Variants in ZEB1 observed in about 807,000 individuals in gnomAD.
The protein encoded by ZEB1 is zinc finger E-box binding homeobox 1.
Under a neutral mutation model 84.9 loss-of-function variants are expected in ZEB1, and 21 were observed. The observed-to-expected ratio is 0.25, with a 90% CI of 0.18 to 0.36. The LOEUF is 0.36. ZEB1 is among the 10% of genes least tolerant of loss of function. The pLI is 1.00. For synonymous variants in ZEB1, 420 were observed against 471.1 expected, an observed-to-expected ratio of 0.89 and a Z score of 1.41; for missense variants, 1,104 against 1,330.2, an observed-to-expected ratio of 0.83 and a Z score of 2.65.
At chr10:31,519,801 A>G (rs1429927947) in intron 6 of ZEB1, among the ~76,000 whole-genome samples, 1 of 152,210 alleles carries the variant, frequency 6.6e-6, no homozygotes, top group African/African-American at 2.4e-5. Flanking sequence ...GATAAGAAAA[A>G]ACATACTTGA....
intron 1 of ZEB1, chr10:31,320,100 C>G (rs1266568809): frequency 6.6e-6 from 1 of 151,624 alleles, no homozygotes; most frequent in Non-Finnish European, 1.5e-5. Flanking sequence ...TGGCGCCTCC[C>G]GCTGCCCGGC....
intron 4 of ZEB1, among the ~76,000 whole-genome samples, chr10:31,506,629 T>C (rs945982071): frequency 6.6e-6 from 1 of 152,152 alleles, no homozygotes; most frequent in Non-Finnish European, 1.5e-5. Context: ...TTTCTGTCCC[T>C]TTACTTTCAG....
intron 1 of ZEB1, among the ~76,000 whole-genome samples, chr10:31,446,351 T>G (rs996209090): frequency 1.4e-4 from 21 of 152,162 alleles, no homozygotes; most frequent in African/African-American, 4.8e-4. Context: ...TGTTGATCCT[T>G]TCAAAAAACC....
chr10:31,464,074 T>TA (rs942010055), intron 2 of ZEB1, among the ~76,000 whole-genome samples: 3 of 151,994 alleles, frequency 2.0e-5, no homozygotes, highest in Admixed American at 6.6e-5. Context: ...GAACTAAAAA[T>TA]AAAAAATTGA....
At chr10:31,507,851 C>T (rs934408807) in intron 4 of ZEB1, among the ~76,000 whole-genome samples, 2 of 151,874 alleles carry the variant, frequency 1.3e-5, no homozygotes, top group African/African-American at 2.4e-5. Context: ...GAATCTGTTG[C>T]TGGATAATTA....
intron 1 of ZEB1, among the ~76,000 whole-genome samples, chr10:31,417,495 A>G (rs773498540): frequency 1.8e-4 from 27 of 152,108 alleles, no homozygotes; most frequent in Non-Finnish European, 3.2e-4. Flanking sequence ...TACTGTCTTA[A>G]CAACACTAAG....
At chr10:31,516,645 G>C (rs2071219989) in intron 6 of ZEB1, among the ~76,000 whole-genome samples, 1 of 146,892 alleles carries the variant, frequency 6.8e-6, no homozygotes, top group African/African-American at 2.5e-5. Flanking sequence ...TTATTCCTTG[G>C]AACAACATAA....
intron 1 of ZEB1, among the ~76,000 whole-genome samples, chr10:31,365,847 C>T (rs1266393641): frequency 2.0e-5 from 3 of 152,152 alleles, no homozygotes; most frequent in Non-Finnish European, 4.4e-5. Flanking sequence ...TCAGCTATAT[C>T]GAAATACATT....
intron 1 of ZEB1, among the ~76,000 whole-genome samples, chr10:31,359,603 T>A (rs1477736975): frequency 6.6e-6 from 1 of 152,178 alleles, no homozygotes; most frequent in African/African-American, 2.4e-5. Flanking sequence ...TTGTAATGCT[T>A]TTAATTATGT....
chr10:31,431,585 A>G (rs1359122295), intron 1 of ZEB1, among the ~76,000 whole-genome samples: 1 of 152,206 alleles, frequency 6.6e-6, no homozygotes, highest in Admixed American at 6.5e-5. Flanking sequence ...TTAGTGGGAT[A>G]TAAGGGTTAT....
rs550829380 is a variant in ZEB1, at chr10:31,389,112, G to A, written c.58+69820G>A. ...TTGTAGGATGTATAAATAAAATGGG[G>A]ACCTATGAGATCTATGAGATCTTGC... On this transcript the variant is annotated intron_variant, in intron 1 of 8. Coordinates refer to ENST00000424869, the MANE Select transcript of ZEB1 (RefSeq NM_001174096.2). Among the ~76,000 whole-genome samples, 26 of 152,106 alleles carry A rather than the reference G, an allele frequency of 1.7e-4. No individual in the cohort carries two copies. The East Asian group carries it at 4.6e-3, about 27-fold the overall frequency.
At chr10:31,356,170 TTATAAA>T (rs2042087464) in intron 1 of ZEB1, among the ~76,000 whole-genome samples, 1 of 152,130 alleles carries the variant, frequency 6.6e-6, no homozygotes, top group Admixed American at 6.6e-5. Flanking sequence ...AGTGACTATA[TTATAAA>T]TATAATTTAG....
rs1295535366 is a variant in ZEB1, at chr10:31,528,696, T to C, written c.*1432T>C. Reference sequence around the variant, plus strand: ...ACAGTGTAGTGTATAATACTGTAGTTTGTATTAATACAATAATATATTTTA... The same window carrying C: ...ACAGTGTAGTGTATAATACTGTAGTCTGTATTAATACAATAATATATTTTA... On this transcript the variant is annotated 3_prime_UTR_variant, in exon 9 of 9. Transcript: ENST00000424869. The C allele has an allele frequency of 2.0e-5, 3 of 152,184 alleles. No individual in the cohort carries two copies. The highest frequency in any genetic ancestry group is 4.4e-5 in the Non-Finnish European group (3 of 68,020). 9.4% of individuals were successfully genotyped at this position (152,184 alleles called of 1,614,324 possible). A position where few individuals can be genotyped will look rare whatever the true frequency, so the allele number is the denominator to read the frequency against.
intron 2 of ZEB1, among the ~76,000 whole-genome samples, chr10:31,466,130 GA>G (rs2062392454): frequency 1.3e-5 from 2 of 152,082 alleles, no homozygotes; most frequent in African/African-American, 4.8e-5. Context: ...AATATGTAAA[GA>G]AAAAATATAA....
intron 1 of ZEB1, among the ~76,000 whole-genome samples, chr10:31,382,813 A>G (rs915147383): frequency 1.3e-5 from 2 of 152,132 alleles, no homozygotes; most frequent in Non-Finnish European, 2.9e-5. Flanking sequence ...ATTGTTGTAA[A>G]TATGCAAGTT....
intron 2 of ZEB1, among the ~76,000 whole-genome samples, chr10:31,476,042 C>A (rs2064121822): frequency 6.6e-6 from 1 of 151,594 alleles, no homozygotes; most frequent in Admixed American, 6.6e-5. Flanking sequence ...TACCAGAGAC[C>A]CACCTAATGG....
rs2073690144 is a variant in ZEB1 at position 31,527,372 on chromosome 10, C to T, written c.*108C>T. 7.0e-7 allele frequency: 1 copy of T among 1,437,394 alleles called. No homozygotes were observed. The highest frequency in any genetic ancestry group is 2.5e-5 in the East Asian group (1 of 40,142). The allele number at this position is 1,437,394 out of a possible 1,614,324, so 89.0% of individuals were successfully genotyped here. On this transcript the variant is annotated 3_prime_UTR_variant, in exon 9 of 9. Transcript: ENST00000424869. ...ACCTGTATGCTGTGATTCCTGTTCA[C>T]TACTGTGTAAAGTAAAAACTAAAAA...
intron 1 of ZEB1, among the ~76,000 whole-genome samples, chr10:31,327,108 T>C (rs1198323943): frequency 1.4e-5 from 2 of 143,608 alleles, no homozygotes; most frequent in African/African-American, 2.6e-5. Context: ...TCTTTTTTTT[T>C]TTTTTTTTTT....
At chr10:31,452,742 T>TGTGTGTGTGTGTGTGAGA (rs1387786622) in intron 1 of ZEB1, among the ~76,000 whole-genome samples, 1 of 90,736 alleles carries the variant, frequency 1.1e-5, no homozygotes, top group African/African-American at 5.1e-5. Flanking sequence ...TGTGTGTGTG[T>TGTGTGTGTGTGTGTGAGA]GAGAGAGAGA....
Sources: gnomAD v4.1 joint callset for allele counts (sites outside exome capture counted in the v4.1 genomes callset) on GRCh38, gnomAD v4.1.1 for gene constraint, MANE v1.5 for transcripts, NCBI Gene and HGNC (gene_info 2026-07-23, HGNC 2026-07-21) for gene names.